The following MDN1 variants were observed in gnomAD, a reference collection of about 807,000 sequenced individuals.
The protein encoded by MDN1 is midasin.
MDN1 carries 266 observed loss-of-function variants against 669.2 expected under a neutral mutation model. The ratio of observed to expected loss-of-function variants is 0.40; its 90% CI spans 0.36 to 0.44. MDN1 has a LOEUF of 0.44. Ranked by LOEUF, MDN1 falls within the 20% of genes least tolerant of loss-of-function variation. The probability of loss-of-function intolerance (pLI) is 1.00; values close to 1 mark genes in which losing one functional copy is unlikely to be tolerated. For synonymous variants in MDN1, 2,385 were observed against 2,457.1 expected (o/e 0.97, Z 0.87); for missense variants, 5,940 against 6,754.0 (o/e 0.88, Z 4.22).
Position 89,719,123 on chromosome 6 carries a change from C to T in MDN1, c.6057+13G>A, listed in dbSNP as rs1445007760. On this transcript the variant is annotated intron_variant, in intron 41 of 101. Transcript: ENST00000369393. ...AAATGTCAAAGGATAGAGGATTATC[C>T]TAGTCTCCTTACCTGAACATCATAG... is the stretch of plus-strand genomic sequence containing the variant. 1 of 1,612,528 alleles carries T rather than the reference C, an allele frequency of 6.2e-7. No homozygotes were observed. Among genetic ancestry groups the T allele is most frequent in the South Asian group, 1.1e-5 (1 of 91,028 alleles).
intron 50 of MDN1, among the ~76,000 whole-genome samples, chr6:89,710,300 G>T (rs1162479667): frequency 6.6e-6 from 1 of 151,988 alleles, no homozygotes; most frequent in African/African-American, 2.4e-5. Context: ...TGGTACCAGG[G>T]CCTAGTGTTC....
intron 53 of MDN1, among the ~76,000 whole-genome samples, chr6:89,705,050 A>G (rs141324452): frequency 7.2e-5 from 11 of 152,294 alleles, no homozygotes; most frequent in African/African-American, 2.6e-4. Flanking sequence ...CCTCCTAACT[A>G]TAGGAGGCCA....
Position 89,688,718 on chromosome 6 carries a change from A to C in MDN1, c.11114T>G (p.Leu3705Arg). The C allele has an allele frequency of 1.9e-6, 3 of 1,614,204 alleles. No individual in the cohort carries two copies. Among genetic ancestry groups the C allele is most frequent in the Non-Finnish European group, 2.5e-6 (3 of 1,180,038 alleles). The change falls in exon 66 of 102, where the codon CTG becomes CGG. Residue 3705 changes from leucine (L) to arginine (R), a missense_variant. Coordinates refer to ENST00000369393, the MANE Select transcript of MDN1 (RefSeq NM_014611.3). ...NTLFGEAPSD[L>R]MVKPDGPYDF... ...ATAGGGCCCATCAGGTTTCACCATC[A>C]GGTCTGAGGGTGCCTCCCCAAAAAG... is the stretch of plus-strand genomic sequence containing the variant.
rs561231210 is a variant in MDN1 at position 89,684,144 on chromosome 6, A to G, written c.11830-240T>C. 4.3e-4 allele frequency among the ~76,000 whole-genome samples: 65 copies of G among 152,224 alleles called. 1 individual carries two copies. The highest frequency in any genetic ancestry group is 1.6e-3 in the African/African-American group (65 of 41,552). ...GGAATCACAAGGTAAGGAGATTGAG[A>G]CCATCCTGGCCAACATGGTGAAACC... On this transcript the variant is annotated intron_variant, in intron 71 of 101. Transcript: ENST00000369393.
chr6:89,653,754 G>A (rs1258117182), intron 93 of MDN1, among the ~76,000 whole-genome samples: 3 of 152,012 alleles, frequency 2.0e-5, no homozygotes, highest in African/African-American at 7.2e-5. Flanking sequence ...GCTATGAAAG[G>A]GAAACTCCTC....
At chr6:89,772,820 A>T (rs1248775049) in intron 13 of MDN1, 99 bp from the exon 14 acceptor site, 1 of 1,316,364 alleles carries the variant, frequency 7.6e-7, no homozygotes, top group Non-Finnish European at 1.0e-6. Flanking sequence ...CAAGGATGAG[A>T]AAACAGCTCA....
At chr6:89,662,742 C>T (rs755854049) in intron 86 of MDN1, 50 bp downstream of exon 86, 3 of 1,585,794 alleles carry the variant, frequency 1.9e-6, no homozygotes, top group East Asian at 2.2e-5. Context: ...AGGTTGTGGG[C>T]AGATTACCTC....
chr6:89,703,014 CA>C (rs956360082), intron 53 of MDN1, among the ~76,000 whole-genome samples: 8 of 151,578 alleles, frequency 5.3e-5, no homozygotes, highest in African/African-American at 1.7e-4. Context: ...CAGCTCACTG[CA>C]ACCTCCGCTT....
intron 52 of MDN1, 150 bp from the exon 53 acceptor site, chr6:89,706,342 C>G: frequency 1.4e-6 from 1 of 692,518 alleles, no homozygotes; most frequent in Non-Finnish European, 2.2e-6. Context: ...AATTCTTTGC[C>G]TACTACAGGT....
At chr6:89,781,352 C>T in intron 10 of MDN1, 47 bp downstream of exon 10, 2 of 1,348,522 alleles carry the variant, frequency 1.5e-6, no homozygotes, top group Non-Finnish European at 2.0e-6. Flanking sequence ...ATCTGTCTCA[C>T]AAAAAAAAAA....
chr6:89,785,250 T>C, intron 8 of MDN1, 124 bp from the exon 9 acceptor site: 1 of 682,224 alleles, frequency 1.5e-6, no homozygotes, highest in Non-Finnish European at 2.6e-6. Flanking sequence ...CCCTTCTGTT[T>C]CCAGATACTA....
At chr6:89,708,728 A>G in intron 50 of MDN1, 100 bp from the exon 51 acceptor site, 1 of 1,314,130 alleles carries the variant, frequency 7.6e-7, no homozygotes. Flanking sequence ...CTTTGAGCAC[A>G]TTGAATCATG....
In MDN1 at chr6:89,643,984, C is replaced by T; in HGVS notation, c.*21G>A. On this transcript the variant is annotated 3_prime_UTR_variant, in exon 102 of 102. Transcript: ENST00000369393. ...ACCTTCTGACCACAGTTAAGTCTCA[C>T]TTTGGACTCTTCTTTCTGTTCTATG... 6.3e-7 allele frequency: 1 copy of T among 1,581,930 alleles called. No homozygotes were observed. Among genetic ancestry groups the T allele is most frequent in the Non-Finnish European group, 8.6e-7 (1 of 1,164,428 alleles).
chr6:89,692,228 C>T (rs1347423851), intron 63 of MDN1, among the ~76,000 whole-genome samples: 4 of 152,012 alleles, frequency 2.6e-5, no homozygotes, highest in South Asian at 2.1e-4. Flanking sequence ...TAATAAAGGC[C>T]GCTCTCATTT....
At position 89,745,593 on chromosome 6, in the gene MDN1, T is replaced by A. The variant is rs1263899627; in HGVS notation, c.3938A>T (p.Gln1313Leu). 6.2e-7 allele frequency: 1 copy of A among 1,614,034 alleles called. No homozygotes were observed. Among genetic ancestry groups the A allele is most frequent in the African/African-American group, 1.3e-5 (1 of 74,926 alleles). ...YMLLAGRVRK[Q>L]EEIDVIQEVL... ...TTCTTGAATCACATCAATTTCCTCC[T>A]GCTTCCTGACTCGACCTGCCAGAAG... is the stretch of plus-strand genomic sequence containing the variant. Residue 1313 changes from glutamine to leucine, a missense_variant, in exon 28 of 102, where the codon CAG becomes CTG. Physicochemically the swap from Gln to Leu is moderately radical, Grantham distance 113. This residue lies in a region of MDN1 where 2,292 missense variants were observed against 2,638.3 expected (regional missense o/e 0.87). Coordinates refer to ENST00000369393, the MANE Select transcript of MDN1 (RefSeq NM_014611.3).
rs181150464 is a variant in MDN1 at position 89,743,123 on chromosome 6, C to T, written c.4448+27G>A. On this transcript the variant is annotated intron_variant, in intron 31 of 101. Transcript: ENST00000369393. The stretch of plus-strand genomic sequence containing the variant: ...AAATCACACCAACAAAAATATCAAA[C>T]ACAAGGCAAACCTCTCAGGCACGTA... The T allele has an allele frequency of 2.5e-6, 4 of 1,603,210 alleles. No individual in the cohort carries two copies. The African/African-American group carries it at 4.1e-5, about 16-fold the overall frequency.
intron 73 of MDN1, 126 bp downstream of exon 73, chr6:89,683,006 A>G (rs970080117): frequency 3.1e-6 from 3 of 958,956 alleles, no homozygotes; most frequent in Non-Finnish European, 4.7e-6. Flanking sequence ...TACATGCTAT[A>G]TATGTCCAAA....
At position 89,693,031 on chromosome 6, in the gene MDN1, G is replaced by A. The variant is rs1339818334; in HGVS notation, c.9999C>T (p.Tyr3333=). 7.4e-6 allele frequency: 12 copies of A among 1,614,092 alleles called. No homozygotes were observed. The highest frequency in any genetic ancestry group is 4.5e-5 in the East Asian group (2 of 44,892). ...CAGGGGCCTTGGCGATGCTGGTGAC[G>A]TAGTGGTGGATCTCCTGAACCAGGG... is the stretch of plus-strand genomic sequence containing the variant. The part of the protein sequence containing the change: ...YESLVQEIHH[Y]VTSIAKAPAV... Residue 3333 remains tyrosine (Y), a synonymous_variant, in exon 63 of 102, where the codon TAC becomes TAT. Transcript: ENST00000369393.
chr6:89,693,399 T>G (rs982566896), intron 62 of MDN1, among the ~76,000 whole-genome samples: 4 of 152,204 alleles, frequency 2.6e-5, no homozygotes, highest in Admixed American at 2.6e-4. Context: ...CATGACTCAC[T>G]GGAGTAGATA....
Sources: allele counts gnomAD v4.1 joint callset (sites outside exome capture counted in the v4.1 genomes callset), GRCh38; gene constraint gnomAD v4.1.1; regional missense constraint gnomAD v4.1.1; transcripts MANE v1.5; gene names NCBI Gene and HGNC (gene_info 2026-07-23, HGNC 2026-07-21).